Variants in MSN observed in about 807,000 individuals in gnomAD.
MSN encodes epididymis luminal protein 70.
MSN carries 2 observed loss-of-function variants against 48.0 expected under a neutral mutation model. That is an observed-to-expected ratio of 0.04 (90% confidence interval 0.02 to 0.13). The LOEUF is 0.13. Ranked by LOEUF, MSN falls within the 10% of genes least tolerant of loss-of-function variation. The probability of loss-of-function intolerance (pLI) is 1.00; values close to 1 mark genes in which losing one functional copy is unlikely to be tolerated. For synonymous variants in MSN, 146 were observed against 166.9 expected (o/e 0.87, Z 0.97); for missense variants, 267 against 470.1 (o/e 0.57, Z 3.99).
At chrX:65,643,825 A>T (rs2070676090) in intron 1 of MSN, among the ~76,000 whole-genome samples, 1 of 111,701 alleles carries the variant, frequency 9.0e-6, no homozygotes, top group South Asian at 3.8e-4. Context: ...CTCAAGGGTG[A>T]TTGAGGGCTG....
chrX:65,682,688 C>G (rs1019076649), intron 1 of MSN, among the ~76,000 whole-genome samples: 4 of 112,043 alleles, frequency 3.6e-5, no homozygotes, highest in Non-Finnish European at 7.5e-5. Flanking sequence ...ATCCCCGGTA[C>G]CCAACACAAT....
chrX:65,737,068 A>G (rs747665851), intron 9 of MSN, 110 bp from the exon 10 acceptor site: 2 of 1,125,860 alleles, frequency 1.8e-6, no homozygotes, highest in Non-Finnish European at 2.4e-6. Context: ...AAGAGAGCTC[A>G]GAACTTTCTG....
intron 1 of MSN, among the ~76,000 whole-genome samples, chrX:65,622,466 T>C (rs1003197912): frequency 5.5e-5 from 6 of 109,544 alleles, no homozygotes; most frequent in Non-Finnish European, 9.5e-5. Flanking sequence ...TAGCCAGAAC[T>C]TCTAGTACAA....
In MSN at chrX:65,689,412, T is replaced by C. The variant is rs1163673362; in HGVS notation, c.12+21559T>C. On this transcript the variant is annotated intron_variant, in intron 1 of 12. Transcript: ENST00000360270. ...TCTGAATTTTGTAAGGGAGCATAAC[T>C]GGGTGGAGGGGTGAACAGGCATCAT... is the stretch of plus-strand genomic sequence containing the variant. Among the ~76,000 whole-genome samples, 3 of 111,415 alleles carry C rather than the reference T, an allele frequency of 2.7e-5. No homozygotes were observed. In the East Asian group the frequency reaches 8.4e-4, roughly 31 times the overall value.
rs945908646 is a variant in MSN at position 65,717,144 on chromosome X, G to A, written c.96+243G>A. Among the ~76,000 whole-genome samples, 4 of 112,127 alleles carry A rather than the reference G, an allele frequency of 3.6e-5. No individual in the cohort carries two copies. In the Admixed American group the frequency reaches 3.8e-4, roughly 11 times the overall value. On this transcript the variant is annotated intron_variant, in intron 2 of 12. Transcript: ENST00000360270. ...TGAATAAGGGAGAAAAGAAAATGGT[G>A]TATATTCTATGCTAGATGCTTTAAA...
intron 8 of MSN, among the ~76,000 whole-genome samples, chrX:65,735,831 T>C (rs2071671088): frequency 1.8e-5 from 2 of 111,539 alleles, no homozygotes; most frequent in Non-Finnish European, 3.8e-5. Flanking sequence ...AATAAGCAAA[T>C]TATGTGGTAC....
At chrX:65,688,109 T>G (rs1298709461) in intron 1 of MSN, among the ~76,000 whole-genome samples, 2 of 112,512 alleles carry the variant, frequency 1.8e-5, no homozygotes, top group South Asian at 3.7e-4. Flanking sequence ...TTTTTTCCAG[T>G]GTCCAAGTAA....
intron 1 of MSN, among the ~76,000 whole-genome samples, chrX:65,626,518 T>C (rs1391222893): frequency 9.0e-6 from 1 of 111,622 alleles, no homozygotes; most frequent in African/African-American, 3.3e-5. Context: ...TTGTATCCCT[T>C]GTCACGTATG....
chrX:65,682,306 T>A (rs926466037), intron 1 of MSN, among the ~76,000 whole-genome samples: 6 of 112,046 alleles, frequency 5.4e-5, no homozygotes, highest in Non-Finnish European at 9.4e-5. Flanking sequence ...AAATTCAAGG[T>A]CTTTGAGTGG....
intron 1 of MSN, among the ~76,000 whole-genome samples, chrX:65,618,383 T>G (rs1024073596): frequency 3.6e-5 from 4 of 111,586 alleles, no homozygotes; most frequent in South Asian, 3.8e-4. Flanking sequence ...TTATGAATCT[T>G]GGTGCTCATG....
At chrX:65,588,491 C>A in exon 1 of MSN, 1 of 726,825 alleles carries the variant, frequency 1.4e-6, no homozygotes, top group Non-Finnish European at 1.7e-6. Context: ...CAGGGGCAGC[C>A]ATGAGCTCCG....
rs2071628610 is a variant in MSN at position 65,732,127 on chromosome X, C to T, written c.698+143C>T. 4.8e-6 allele frequency: 3 copies of T among 624,612 alleles called. No homozygotes were observed. The East Asian group carries it at 1.1e-4, about 23-fold the overall frequency. 51.5% of individuals were successfully genotyped at this position (624,612 alleles called of 1,213,427 possible). On this transcript the variant is annotated intron_variant, in intron 6 of 12. Transcript: ENST00000360270. ...TAGTCCAGCCCAGATGATTTCACAA[C>T]TTCCCTTAGTCAATACTAAATCCTG...
At chrX:65,696,000 G>C (rs192759212) in intron 1 of MSN, among the ~76,000 whole-genome samples, 3 of 105,248 alleles carry the variant, frequency 2.9e-5, no homozygotes, top group Non-Finnish European at 5.7e-5. Context: ...AGTCTCCTTT[G>C]TCCTTCAGGA....
chrX:65,620,393 C>G (rs922807795), intron 1 of MSN, among the ~76,000 whole-genome samples: 1 of 113,853 alleles, frequency 8.8e-6, no homozygotes, highest in Non-Finnish European at 1.9e-5. Context: ...GAGCCAGGTG[C>G]GGGATACAAT....
At chrX:65,653,953 T>G (rs1286295847) in intron 1 of MSN, among the ~76,000 whole-genome samples, 1 of 109,640 alleles carries the variant, frequency 9.1e-6, no homozygotes, top group Non-Finnish European at 1.9e-5. Flanking sequence ...TTTTGTATTT[T>G]TTGGTAGAAA....
At chrX:65,730,837 A>G (rs1028063022) in intron 4 of MSN, among the ~76,000 whole-genome samples, 26 of 111,639 alleles carry the variant, frequency 2.3e-4, no homozygotes, top group African/African-American at 8.5e-4. Flanking sequence ...ACCACAGCAC[A>G]TCATTTGATT....
At chrX:65,731,711 C>A in intron 5 of MSN, 127 bp from the exon 6 acceptor site, 1 of 740,094 alleles carries the variant, frequency 1.4e-6, no homozygotes, top group Non-Finnish European at 2.0e-6. Flanking sequence ...CATCTGCTTG[C>A]CTTTTGTCCC....
Position 65,741,632 on chromosome X carries a change from C to T in MSN, c.*1739C>T. ...CTAGCTTAGAGCCTCCCTCAATTCC[C>T]CCTGGCCACCACCCCCCACTCTGTG... On this transcript the variant is annotated 3_prime_UTR_variant, in exon 13 of 13. Transcript: ENST00000360270. 5.8e-6 allele frequency: 1 copy of T among 171,358 alleles called. No individual in the cohort carries two copies. Among genetic ancestry groups the T allele is most frequent in the African/African-American group, 2.9e-5 (1 of 34,129 alleles). The allele number at this position is 171,358 out of a possible 1,213,427, so 14.1% of individuals were successfully genotyped here.
At chrX:65,697,520 T>C (rs1051856564) in intron 1 of MSN, among the ~76,000 whole-genome samples, 1 of 111,629 alleles carries the variant, frequency 9.0e-6, no homozygotes, top group Non-Finnish European at 1.9e-5. Flanking sequence ...TCACTGCCCC[T>C]TCCTCTTTGA....
Sources: gnomAD v4.1 joint callset for allele counts (sites outside exome capture counted in the v4.1 genomes callset) on GRCh38, gnomAD v4.1.1 for gene constraint, MANE v1.5 for transcripts, NCBI Gene and HGNC (gene_info 2026-07-23, HGNC 2026-07-21) for gene names.